Variants in BRICD5 observed in about 807,000 individuals in gnomAD.
BRICD5 encodes BRICHOS domain-containing protein 5.
BRICD5 carries 51 observed loss-of-function variants against 28.4 expected under a neutral mutation model. That is an observed-to-expected ratio of 1.80 (90% confidence interval 1.43 to 2.27). BRICD5 has a LOEUF of 2.27. Among genes scored for constraint, BRICD5 ranks in the 30% most tolerant of loss-of-function variants. The pLI is 0.00. For missense variants in BRICD5, 456 were observed against 309.6 expected (o/e 1.47, Z -3.55); for synonymous variants, 177 against 130.2 (o/e 1.36, Z -2.44).
In BRICD5 at chr16:2,210,236, G is replaced by A. The variant is rs1305269102; in HGVS notation, c.226C>T (p.Pro76Ser). ...LRMTLPSPHM[P>S]RPNQTILVDV... ...ACCAGGATGGTTTGGTTGGGCCGGG[G>A]CATGTGGGGGCTCGGGAGGGTCATT... Residue 76 changes from proline (P) to serine (S), a missense_variant, in exon 3 of 6, where the codon CCC becomes TCC. Physicochemically the swap from Pro to Ser is moderately conservative, Grantham distance 74. Coordinates refer to ENST00000328540, the MANE Select transcript of BRICD5 (RefSeq NM_182563.4). 6 of 1,561,570 alleles carry A rather than the reference G, an allele frequency of 3.8e-6. No homozygotes were observed. Among genetic ancestry groups the A allele is most frequent in the East Asian group, 2.3e-5 (1 of 42,722 alleles).
Position 2,209,663 on chromosome 16 carries a change from T to A in BRICD5, c.482A>T (p.Gln161Leu). 5 of 1,613,058 alleles carry A rather than the reference T, an allele frequency of 3.1e-6. No individual in the cohort carries two copies. Among genetic ancestry groups the A allele is most frequent in the Non-Finnish European group, 4.2e-6 (5 of 1,179,650 alleles). ...WVPSQDTHHT[Q>L]ELLAVQGSLE... ...GCTCCCCTGCACTGCCAGCAGCTCC[T>A]GGGTGTGGTGGGTGTCCTGGCTGGG... Residue 161 changes from glutamine (Q) to leucine (L), a missense_variant, in exon 5 of 6, where the codon CAG becomes CTG. By Grantham distance (113) the Gln-to-Leu change is moderately radical. Coordinates refer to ENST00000328540, the MANE Select transcript of BRICD5 (RefSeq NM_182563.4).
rs745438012 is a variant in BRICD5, at chr16:2,210,584, C to CCAGCAG, written c.112_117dup (p.Leu38_Leu39dup). On this transcript the variant is annotated inframe_insertion, in exon 2 of 6. Coordinates refer to ENST00000328540, the MANE Select transcript of BRICD5 (RefSeq NM_182563.4). The stretch of plus-strand genomic sequence containing the variant: ...GCCACAACCCCCACAGCGGCCAGCA[C>CCAGCAG]CAGCAGCAGCAGCAGCAGGAGCAGG... 2.7e-5 allele frequency: 39 copies of CCAGCAG among 1,468,120 alleles called. No individual in the cohort carries two copies. The East Asian group carries it at 2.7e-4, about 10-fold the overall frequency. The allele number at this position is 1,468,120 out of a possible 1,614,324, so 90.9% of individuals were successfully genotyped here.
In BRICD5 at chr16:2,209,409, G is replaced by A. The variant is rs111384111; in HGVS notation, c.640C>T (p.Pro214Ser). ...CAGACCGACACGCAGATGTTGCTCG[G>A]GAAGCAGATGTCGATGCAGAGATAA... ...LIYLCIDICF[P>S]SNICVSVCFY... Residue 214 changes from proline (P) to serine (S), a missense_variant, in exon 6 of 6, where the codon CCG becomes TCG. Transcript: ENST00000328540. The A allele has an allele frequency of 4.0e-3, 6,433 of 1,613,858 alleles. 34 individuals are homozygous for A. The highest frequency in any genetic ancestry group is 9.7e-3 in the South Asian group (883 of 91,086).
Position 2,209,611 on chromosome 16 carries a change from C to A in BRICD5, c.534G>T (p.Gly178=). The A allele has an allele frequency of 6.2e-7, 1 of 1,613,102 alleles. No homozygotes were observed. The highest frequency in any genetic ancestry group is 1.1e-5 in the South Asian group (1 of 91,084). ...GSLEVDPAQA[G]ALVQRLCMRT... Reference sequence around the variant, plus strand: ...TCATGCACAGGCGCTGCACCAAAGCCCCCGCCTGGGCGGGGTCCACTTCGA... The same window carrying A: ...TCATGCACAGGCGCTGCACCAAAGCACCCGCCTGGGCGGGGTCCACTTCGA... The change falls in exon 5 of 6, where the codon GGG becomes GGT. Residue 178 remains glycine (G), a synonymous_variant. Coordinates refer to ENST00000328540, the MANE Select transcript of BRICD5 (RefSeq NM_182563.4).
chr16:2,209,770 CGGG>C, intron 4 of BRICD5, 64 bp from the exon 5 acceptor site: 2 of 1,500,456 alleles, frequency 1.3e-6, no homozygotes, highest in Non-Finnish European at 1.8e-6. Context: ...TTGGCAGGGC[CGGG>C]TACCCTCCAA....
At chr16:2,210,387 C>T in intron 2 of BRICD5, 106 bp from the exon 3 acceptor site, 3 of 1,534,022 alleles carry the variant, frequency 2.0e-6, no homozygotes, top group South Asian at 2.5e-5. Flanking sequence ...CCTTCCACCC[C>T]TTGGTCCTCT....
At position 2,209,541 on chromosome 16, in the gene BRICD5, G is replaced by T. The variant is rs750942109; in HGVS notation, c.592+12C>A. On this transcript the variant is annotated intron_variant, in intron 5 of 5. Coordinates refer to ENST00000328540, the MANE Select transcript of BRICD5 (RefSeq NM_182563.4). ...GAGGGCCTGGCCTTCCCCCACAGCG[G>T]TCCTGACTCACCCTCTGCTCGCCGG... 6 of 1,612,236 alleles carry T rather than the reference G, an allele frequency of 3.7e-6. No homozygotes were observed. Among genetic ancestry groups the T allele is most frequent in the Non-Finnish European group, 4.2e-6 (5 of 1,180,014 alleles).
chr16:2,210,125 C>G lies in BRICD5; in HGVS notation c.336+1G>C, dbSNP rs199775669. 3 of 1,608,376 alleles carry G rather than the reference C, an allele frequency of 1.9e-6. No homozygotes were observed. Among genetic ancestry groups the G allele is most frequent in the South Asian group, 1.1e-5 (1 of 90,366 alleles). ...AGGGTGACCCCTCCCTGCCCACTCA[C>G]GCTCTGCCCGTCGAACAGCACCGCC... On this transcript the variant is annotated splice_donor_variant, in intron 3 of 5. Transcript: ENST00000328540. LOFTEE classifies it high-confidence loss of function.
At position 2,210,809 on chromosome 16, in the gene BRICD5, C is replaced by G. The variant is rs1182841032; in HGVS notation, c.25G>C (p.Glu9Gln). Residue 9 changes from glutamate (E) to glutamine (Q), a missense_variant, in exon 1 of 6, where the codon GAG (glutamate) becomes CAG (glutamine). By Grantham distance (29) the Glu-to-Gln change is conservative. Coordinates refer to ENST00000328540, the MANE Select transcript of BRICD5 (RefSeq NM_182563.4). MEPASCCA[E>Q]RPKPGPTGVK... ...CCTGTAGGCCCAGGTTTGGGGCGCT[C>G]AGCACAGCAGCTTGCTGGTTCCATC... 1.7e-5 allele frequency: 28 copies of G among 1,604,260 alleles called. No individual in the cohort carries two copies. Among genetic ancestry groups the G allele is most frequent in the African/African-American group, 8.0e-5 (6 of 74,922 alleles).
chr16:2,209,520 G>A lies in BRICD5; in HGVS notation c.592+33C>T, dbSNP rs772046180. The A allele has an allele frequency of 7.4e-6, 12 of 1,612,388 alleles. No individual in the cohort carries two copies. In the Admixed American group the frequency reaches 1.2e-4, roughly 16 times the overall value. ...CCCAGCTCCTCAAACCATCCCGAGG[G>A]CCTGGCCTTCCCCCACAGCGGTCCT... On this transcript the variant is annotated intron_variant, in intron 5 of 5. Coordinates refer to ENST00000328540, the MANE Select transcript of BRICD5 (RefSeq NM_182563.4).
intron 3 of BRICD5, 22 bp from the exon 4 acceptor site, chr16:2,210,073 G>T: frequency 6.2e-7 from 1 of 1,601,562 alleles, no homozygotes. Context: ...GGGGGGTGAG[G>T]CGGGGCCCCC....
intron 5 of BRICD5, 44 bp from the exon 6 acceptor site, chr16:2,209,500 C>G: frequency 6.2e-7 from 1 of 1,613,098 alleles, no homozygotes; most frequent in Non-Finnish European, 8.5e-7. Context: ...CCGCCCCCAG[C>G]TCCTCAAACC....
At chr16:2,209,806 CA>C (rs2093364905) in intron 4 of BRICD5, 100 bp from the exon 5 acceptor site, 1 of 1,403,150 alleles carries the variant, frequency 7.1e-7, no homozygotes, top group Admixed American at 2.2e-5. Context: ...TCCCCACCCT[CA>C]GCTCTTGTCA....
At chr16:2,210,410 C>T in intron 2 of BRICD5, 112 bp downstream of exon 2, 1 of 1,534,714 alleles carries the variant, frequency 6.5e-7, no homozygotes, top group Non-Finnish European at 8.8e-7. Flanking sequence ...CTGTCTGCTC[C>T]TAGGTGGTGT....
chr16:2,209,945 C>T lies in BRICD5; in HGVS notation c.438+5G>A. Reference sequence around the variant, plus strand: ...CCCGGGCCTGCGCCCAGCAGGACGGCTCACCTTGGAGGTATCCACCAGCAG... The same window carrying T: ...CCCGGGCCTGCGCCCAGCAGGACGGTTCACCTTGGAGGTATCCACCAGCAG... On this transcript the variant is annotated splice_donor_5th_base_variant and intron_variant, in intron 4 of 5. Coordinates refer to ENST00000328540, the MANE Select transcript of BRICD5 (RefSeq NM_182563.4). The T allele has an allele frequency of 6.6e-7, 1 of 1,517,740 alleles. No individual in the cohort carries two copies. Among genetic ancestry groups the T allele is most frequent in the Non-Finnish European group, 8.8e-7 (1 of 1,132,280 alleles). The allele number at this position is 1,517,740 out of a possible 1,614,324, so 94.0% of individuals were successfully genotyped here.
chr16:2,209,915 C>T (rs747770009), intron 4 of BRICD5, 35 bp downstream of exon 4: 2 of 1,483,472 alleles, frequency 1.3e-6, no homozygotes, highest in African/African-American at 1.4e-5. Flanking sequence ...TTGTCTAGCC[C>T]CTGGCCCGGG....
intron 4 of BRICD5, 114 bp downstream of exon 4, chr16:2,209,836 G>C: frequency 7.2e-7 from 1 of 1,383,444 alleles, no homozygotes; most frequent in South Asian, 1.4e-5. Flanking sequence ...GGCTTAGGGC[G>C]GAGAGAGCTT....
chr16:2,210,565 A>G lies in BRICD5; in HGVS notation c.137T>C (p.Val46Ala), dbSNP rs1358624245. 1 of 1,612,688 alleles carries G rather than the reference A, an allele frequency of 6.2e-7. No individual in the cohort carries two copies. Among genetic ancestry groups the G allele is most frequent in the Non-Finnish European group, 8.5e-7 (1 of 1,179,740 alleles). ...LLLLVLAAVG[V>A]VAGGLLGSAQ... ...AGAGCCAAGAAGCCCTCCAGCCACA[A>G]CCCCCACAGCGGCCAGCACCAGCAG... Residue 46 changes from valine (V) to alanine (A), a missense_variant, in exon 2 of 6, where the codon GTT becomes GCT. Coordinates refer to ENST00000328540, the MANE Select transcript of BRICD5 (RefSeq NM_182563.4).
At position 2,209,947 on chromosome 16, in the gene BRICD5, C is replaced by T. The variant is rs1191799019; in HGVS notation, c.438+3G>A. ...CGGGCCTGCGCCCAGCAGGACGGCT[C>T]ACCTTGGAGGTATCCACCAGCAGCC... On this transcript the variant is annotated splice_donor_region_variant and intron_variant, in intron 4 of 5. Transcript: ENST00000328540. 3.3e-6 allele frequency: 5 copies of T among 1,518,100 alleles called. No homozygotes were observed. Among genetic ancestry groups the T allele is most frequent in the Non-Finnish European group, 4.4e-6 (5 of 1,132,578 alleles). The allele number at this position is 1,518,100 out of a possible 1,614,324, so 94.0% of individuals were successfully genotyped here.
Sources: allele counts gnomAD v4.1 joint callset, GRCh38; gene constraint gnomAD v4.1.1; transcripts MANE v1.5; gene names NCBI Gene and HGNC (gene_info 2026-07-23, HGNC 2026-07-21).